The following RBPJ variants were observed in gnomAD, a reference collection of about 807,000 sequenced individuals.
RBPJ encodes the protein recombination signal binding protein for immunoglobulin kappa J region.
RBPJ carries 9 observed loss-of-function variants against 67.8 expected under a neutral mutation model. The observed-to-expected ratio is 0.13, with a 90% confidence interval of 0.08 to 0.23. The LOEUF (loss-of-function observed/expected upper bound fraction) is 0.23, where lower values mean the gene tolerates loss of function less well. Ranked by LOEUF, RBPJ falls within the 10% of genes least tolerant of loss-of-function variation. The pLI, the probability that RBPJ is intolerant of heterozygous loss-of-function variation, is 1.00. For synonymous variants in RBPJ, 198 were observed against 203.3 expected (o/e 0.97, Z 0.22); for missense variants, 305 against 595.6 (o/e 0.51, Z 5.08).
chr4:26,380,555 A>C (rs1417749862), intron 1 of RBPJ, among the ~76,000 whole-genome samples: 2 of 152,178 alleles, frequency 1.3e-5, no homozygotes, highest in African/African-American at 4.8e-5. Context: ...TTATCATAGA[A>C]TATAGTAATA....
intron 1 of RBPJ, among the ~76,000 whole-genome samples, chr4:26,258,688 G>C (rs1375371793): frequency 1.3e-5 from 2 of 152,176 alleles, no homozygotes; most frequent in Non-Finnish European, 2.9e-5. Flanking sequence ...TAGTCGTTTA[G>C]TCCATTCCTA....
intron 1 of RBPJ, among the ~76,000 whole-genome samples, chr4:26,217,761 CA>C (rs1356968564): frequency 6.6e-6 from 1 of 152,110 alleles, no homozygotes; most frequent in Non-Finnish European, 1.5e-5. Context: ...TCCACTATGA[CA>C]AAAAAACTTC....
chr4:26,351,977 G>C (rs1185195566), intron 1 of RBPJ, among the ~76,000 whole-genome samples: 1 of 152,130 alleles, frequency 6.6e-6, no homozygotes, highest in African/African-American at 2.4e-5. Flanking sequence ...TTATGGTGGG[G>C]AGTTCCCTTT....
intron 4 of RBPJ, among the ~76,000 whole-genome samples, chr4:26,417,972 T>C (rs1734756618): frequency 6.6e-6 from 1 of 152,262 alleles, no homozygotes; most frequent in African/African-American, 2.4e-5. Context: ...AGATTTTGTG[T>C]AATGTTTTTA....
At chr4:26,189,333 C>A (rs375044271) in intron 1 of RBPJ, among the ~76,000 whole-genome samples, 101 of 152,272 alleles carry the variant, frequency 6.6e-4, no homozygotes, top group African/African-American at 2.3e-3. Flanking sequence ...ACTGATCCAA[C>A]CTGCCACATG....
intron 1 of RBPJ, among the ~76,000 whole-genome samples, chr4:26,238,393 C>T (rs1484154060): frequency 6.6e-6 from 1 of 152,180 alleles, no homozygotes; most frequent in African/African-American, 2.4e-5. Context: ...TGAGCCTCAG[C>T]TTTCTTGTCT....
the RBPJ span, among the ~76,000 whole-genome samples, chr4:26,117,862 GATATA>G: frequency 2.8e-4 from 42 of 151,834 alleles, no homozygotes; most frequent in East Asian, 1.9e-4. Flanking sequence ...AACTGCTTAT[GATATA>G]ATAAAATAAA....
chr4:26,267,512 G>T (rs1372147483), intron 1 of RBPJ, among the ~76,000 whole-genome samples: 1 of 152,064 alleles, frequency 6.6e-6, no homozygotes, highest in East Asian at 1.9e-4. Flanking sequence ...GCAAAGAAAT[G>T]AATTTAACGA....
Position 26,428,865 on chromosome 4 carries a change from GT to G in RBPJ, c.888+10del, listed in dbSNP as rs1409671002. ...GAAAGAATAATTCAATTTCAGGTATGTTTTTAAATTACTGGTGAAATCTAAA... is the reference window on the plus strand; with the variant it reads ...GAAAGAATAATTCAATTTCAGGTATGTTTTAAATTACTGGTGAAATCTAAA... On this transcript the variant is annotated splice_donor_region_variant and intron_variant, in intron 8 of 10. Coordinates refer to ENST00000355476, the MANE Select transcript of RBPJ (RefSeq NM_015874.6). 6.3e-7 allele frequency: 1 copy of G among 1,595,492 alleles called. No individual in the cohort carries two copies. Among genetic ancestry groups the G allele is most frequent in the African/African-American group, 1.3e-5 (1 of 74,448 alleles).
At chr4:26,334,046 T>C (rs1439488074) in intron 1 of RBPJ, among the ~76,000 whole-genome samples, 1 of 149,872 alleles carries the variant, frequency 6.7e-6, no homozygotes, top group East Asian at 2.1e-4. Flanking sequence ...TTCTGCCTTT[T>C]CTTTTTTTTT....
At chr4:26,241,676 TA>T (rs1331814403) in intron 1 of RBPJ, among the ~76,000 whole-genome samples, 1 of 151,764 alleles carries the variant, frequency 6.6e-6, no homozygotes, top group Non-Finnish European at 1.5e-5. Flanking sequence ...CACACCCATT[TA>T]TTTTTTTCTA....
chr4:26,120,563 G>A, the RBPJ span, among the ~76,000 whole-genome samples: 2 of 152,018 alleles, frequency 1.3e-5, no homozygotes, highest in South Asian at 2.1e-4. Flanking sequence ...AAATATCCTG[G>A]TAAATTTCTG....
At chr4:26,281,232 T>C (rs1721263320) in intron 1 of RBPJ, among the ~76,000 whole-genome samples, 1 of 152,220 alleles carries the variant, frequency 6.6e-6, no homozygotes, top group South Asian at 2.1e-4. Context: ...TTTAAATTTG[T>C]TGTATTTTAG....
At chr4:26,147,031 C>G in the RBPJ span, among the ~76,000 whole-genome samples, 1 of 152,074 alleles carries the variant, frequency 6.6e-6, no homozygotes, top group South Asian at 2.1e-4. Context: ...ATGAGGTGGC[C>G]GCAGAAGGGA....
upstream of RBPJ, chr4:26,319,996 G>A: frequency 3.2e-6 from 3 of 934,948 alleles, no homozygotes; most frequent in Non-Finnish European, 3.2e-6. Context: ...GCGCGATTCG[G>A]GCAGCCGGCA....
At chr4:26,131,622 T>C in the RBPJ span, among the ~76,000 whole-genome samples, 4 of 152,148 alleles carry the variant, frequency 2.6e-5, no homozygotes, top group Admixed American at 6.5e-5. Flanking sequence ...GTAAGGACAA[T>C]GAGATGGATA....
chr4:26,260,985 A>G (rs780553390), intron 1 of RBPJ, among the ~76,000 whole-genome samples: 13 of 152,294 alleles, frequency 8.5e-5, no homozygotes, highest in Non-Finnish European at 1.6e-4. Flanking sequence ...AAAGAACATG[A>G]CCAATGTTAT....
the RBPJ span, among the ~76,000 whole-genome samples, chr4:26,109,399 C>A: frequency 7.9e-6 from 1 of 126,606 alleles, no homozygotes; most frequent in Non-Finnish European, 1.6e-5. Context: ...AGCCACTGTG[C>A]CTGTCCACCT....
chr4:26,392,033 G>A (rs916582408), intron 2 of RBPJ, among the ~76,000 whole-genome samples: 2 of 152,126 alleles, frequency 1.3e-5, no homozygotes, highest in African/African-American at 4.8e-5. Flanking sequence ...ATTCTTGAAG[G>A]CTCCATCCTC....
Sources: gnomAD v4.1 joint callset for allele counts (sites outside exome capture counted in the v4.1 genomes callset) on GRCh38, gnomAD v4.1.1 for gene constraint, MANE v1.5 for transcripts, NCBI Gene and HGNC (gene_info 2026-07-23, HGNC 2026-07-21) for gene names.